The following LOXHD1 variants were observed in gnomAD, a reference collection of about 807,000 sequenced individuals.
LOXHD1 encodes the protein lipoxygenase homology PLAT domains 1, also known as lipoxygenase homology domain-containing protein 1.
Under a neutral mutation model 248.2 loss-of-function variants are expected in LOXHD1, and 205 were observed. That is an observed-to-expected ratio of 0.83 (90% CI 0.74 to 0.93). The LOEUF (loss-of-function observed/expected upper bound fraction) is 0.93, where lower values mean the gene tolerates loss of function less well. Among genes scored for constraint, LOXHD1 ranks in the 40% least tolerant of loss-of-function variants. LOXHD1 has a pLI of 0.00. For missense variants in LOXHD1, 2,930 were observed against 2,971.6 expected, an observed-to-expected ratio of 0.99 and a Z score of 0.33; for synonymous variants, 1,113 against 1,162.8, an observed-to-expected ratio of 0.96 and a Z score of 0.87.
chr18:46,483,490 G>C (rs1685180393), intron 40 of LOXHD1, 97 bp downstream of exon 40: 1 of 1,424,530 alleles, frequency 7.0e-7, no homozygotes, highest in Admixed American at 2.0e-5. Flanking sequence ...TTGAAGAAGA[G>C]ACCTCATCAT....
chr18:46,557,465 T>C lies in LOXHD1; in HGVS notation c.3241A>G (p.Ile1081Val), dbSNP rs1218503343. Residue 1081 changes from isoleucine to valine, a missense_variant, in exon 21 of 41, where the codon ATT (isoleucine) becomes GTT (valine). Ile to Val is a conservative substitution (Grantham distance 29). Transcript: ENST00000642948. ...ATCTTGGTCAGGGCCCCCAGGTCAA[T>C]GGCATAGATGGTGAAGGTGTCTGTC... ...GQTDTFTIYA[I>V]DLGALTKIRI... The C allele has an allele frequency of 1.3e-6, 2 of 1,551,968 alleles. No homozygotes were observed.
intron 18 of LOXHD1, among the ~76,000 whole-genome samples, chr18:46,562,571 G>C (rs553415760): frequency 6.6e-6 from 1 of 152,270 alleles, no homozygotes; most frequent in East Asian, 1.9e-4. Flanking sequence ...TCAGTGTCTT[G>C]GCTGGGAAGC....
rs1480583993 is a variant in LOXHD1, at chr18:46,534,312, G to GGCTGA, written c.4212+22_4212+23insTCAGC. ...CTGGAAAGGGACAAAAGAAACAGCA[G>GGCTGA]GACAGACCAGTCAACAACTCACGTC... On this transcript the variant is annotated intron_variant, in intron 27 of 40. Coordinates refer to ENST00000642948, the MANE Select transcript of LOXHD1 (RefSeq NM_001384474.1). 2.6e-6 allele frequency: 4 copies of GGCTGA among 1,514,782 alleles called. No individual in the cohort carries two copies. In the Admixed American group the frequency reaches 7.8e-5, roughly 30 times the overall value. The allele number at this position is 1,514,782 out of a possible 1,614,324, so 93.8% of individuals were successfully genotyped here.
At chr18:46,542,942 A>G in intron 23 of LOXHD1, 87 bp from the exon 24 acceptor site, 2 of 1,517,898 alleles carry the variant, frequency 1.3e-6, no homozygotes, top group Non-Finnish European at 8.9e-7. Context: ...CCTTTTCAAA[A>G]TGACCAAATT....
chr18:46,533,303 G>C lies in LOXHD1; in HGVS notation c.4234C>G (p.Pro1412Ala). The C allele has an allele frequency of 3.2e-6, 5 of 1,551,808 alleles. No individual in the cohort carries two copies. Among genetic ancestry groups the C allele is most frequent in the Non-Finnish European group, 4.4e-6 (5 of 1,147,002 alleles). ...GAGGTGGCAAGCCACCGATCGCATGGGAAAGTCAAGGTCTCTGCACCCTGG... is the reference window on the plus strand; with the variant it reads ...GAGGTGGCAAGCCACCGATCGCATGCGAAAGTCAAGGTCTCTGCACCCTGG... ...DKDGAETLTF[P>A]CDRWLATSED... Residue 1412 changes from proline to alanine, a missense_variant, in exon 28 of 41, where the codon CCA becomes GCA. Coordinates refer to ENST00000642948, the MANE Select transcript of LOXHD1 (RefSeq NM_001384474.1).
intron 31 of LOXHD1, among the ~76,000 whole-genome samples, 192 bp from the exon 32 acceptor site, chr18:46,522,501 T>A (rs769737711): frequency 6.6e-6 from 1 of 152,230 alleles, no homozygotes; most frequent in Non-Finnish European, 1.5e-5. Context: ...CTGAGGGAGT[T>A]GCTAACTCCC....
intron 38 of LOXHD1, among the ~76,000 whole-genome samples, chr18:46,487,543 C>T (rs1413530873): frequency 6.6e-6 from 1 of 152,226 alleles, no homozygotes; most frequent in African/African-American, 2.4e-5. Context: ...CGCTGAGGAG[C>T]TCCTACCATG....
At chr18:46,487,966 A>C (rs957962053) in intron 38 of LOXHD1, among the ~76,000 whole-genome samples, 8 of 152,104 alleles carry the variant, frequency 5.3e-5, no homozygotes, top group African/African-American at 1.9e-4. Flanking sequence ...TTTCTGTTTG[A>C]CTCCATTGGG....
chr18:46,522,017 T>G, intron 32 of LOXHD1, 84 bp downstream of exon 32: 77 of 462,760 alleles, frequency 1.7e-4, no homozygotes, highest in East Asian at 2.5e-4. Flanking sequence ...CTTCCCACCC[T>G]GCACTCTCCC....
At chr18:46,524,330 G>T in intron 31 of LOXHD1, 136 bp downstream of exon 31, 1 of 1,306,090 alleles carries the variant, frequency 7.7e-7, no homozygotes, top group Non-Finnish European at 1.0e-6. Context: ...GGTAATATGT[G>T]TGAAAACTAT....
intron 31 of LOXHD1, among the ~76,000 whole-genome samples, chr18:46,523,232 C>A (rs965578753): frequency 6.6e-6 from 1 of 152,190 alleles, no homozygotes; most frequent in Non-Finnish European, 1.5e-5. Flanking sequence ...CAGGCATAAG[C>A]CACCACGCCT....
intron 25 of LOXHD1, among the ~76,000 whole-genome samples, chr18:46,540,762 C>T (rs773273861): frequency 2.0e-5 from 3 of 150,294 alleles, no homozygotes; most frequent in African/African-American, 4.9e-5. Context: ...CAACCCCATG[C>T]ACATCTTTCA....
rs775058591 is a variant in LOXHD1 at position 46,646,536 on chromosome 18, T to C, written c.245+2619A>G. Among the ~76,000 whole-genome samples the C allele has an allele frequency of 5.5e-4, 83 of 152,166 alleles. 1 individual carries two copies. The highest frequency in any genetic ancestry group is 3.2e-3 in the Middle Eastern group (1 of 316). On this transcript the variant is annotated intron_variant, in intron 2 of 40. Transcript: ENST00000642948. ...GCTCAGATGATCTCTGTTGATACGG[T>C]AAGTTGAAACTCCACCGGTCAGCTT...
At position 46,627,410 on chromosome 18, in the gene LOXHD1, G is replaced by A. The variant is rs2038757522; in HGVS notation, c.512-9120C>T. ...AGCAGGAAGCCATTGGTGCTGCAAT[G>A]GAATGGACACTGACAGCTGGATCAG... On this transcript the variant is annotated intron_variant, in intron 4 of 40. Transcript: ENST00000642948. 2.0e-5 allele frequency among the ~76,000 whole-genome samples: 3 copies of A among 152,080 alleles called. No homozygotes were observed. The South Asian group carries it at 6.2e-4, about 32-fold the overall frequency.
At chr18:46,526,135 A>T (rs1434202065) in intron 29 of LOXHD1, among the ~76,000 whole-genome samples, 1 of 152,152 alleles carries the variant, frequency 6.6e-6, no homozygotes, top group East Asian at 1.9e-4. Context: ...CAGAGTAAGA[A>T]TGGGCCCACC....
intron 6 of LOXHD1, among the ~76,000 whole-genome samples, chr18:46,605,591 G>T (rs566529947): frequency 6.6e-6 from 1 of 152,142 alleles, no homozygotes; most frequent in East Asian, 1.9e-4. Flanking sequence ...CAACCAACTG[G>T]TATCAAAGAC....
In LOXHD1 at chr18:46,559,930, A is replaced by G. The variant is rs9945240; in HGVS notation, c.3061+153T>C. Among the ~76,000 whole-genome samples the G allele has an allele frequency of 0.15, 23,505 of 152,148 alleles. 2,199 individuals carry two copies. The highest frequency in any genetic ancestry group is 0.24 in the African/African-American group (9,848 of 41,472). On this transcript the variant is annotated intron_variant, in intron 19 of 40. Transcript: ENST00000642948. ...CAGTGTCAATGGTGGCATTTCACAC[A>G]CAGGTCAAGAGAGCTATTTGGGAAC...
chr18:46,522,590 T>C (rs913970292), intron 31 of LOXHD1, among the ~76,000 whole-genome samples: 2 of 152,214 alleles, frequency 1.3e-5, no homozygotes, highest in African/African-American at 4.8e-5. Context: ...CCAATTATCC[T>C]ACTTGAACCT....
chr18:46,636,289 A>G (rs950722921), intron 4 of LOXHD1, among the ~76,000 whole-genome samples: 1 of 152,230 alleles, frequency 6.6e-6, no homozygotes, highest in African/African-American at 2.4e-5. Context: ...CGAAACAGTC[A>G]TCTCCAGCGA....
Sources: gnomAD v4.1 joint callset for allele counts (sites outside exome capture counted in the v4.1 genomes callset) on GRCh38, gnomAD v4.1.1 for gene constraint, MANE v1.5 for transcripts, NCBI Gene and HGNC (gene_info 2026-07-23, HGNC 2026-07-21) for gene names.